Variants in SOCS5 observed in about 807,000 individuals in gnomAD.
SOCS5 encodes the protein CIS-6.
Under a neutral mutation model 42.8 loss-of-function variants are expected in SOCS5, and 32 were observed. The ratio of observed to expected loss-of-function variants is 0.75; its 90% CI spans 0.56 to 1.01. SOCS5 has a LOEUF of 1.01. Among genes scored for constraint, SOCS5 ranks in the 50% least tolerant of loss-of-function variants. The pLI is 0.00. For synonymous variants in SOCS5, 283 were observed against 229.6 expected (o/e 1.23, Z -2.10); for missense variants, 627 against 653.0 (o/e 0.96, Z 0.43).
intron 1 of SOCS5, among the ~76,000 whole-genome samples, chr2:46,720,568 G>A (rs977969703): frequency 2.6e-5 from 4 of 152,158 alleles, no homozygotes; most frequent in Non-Finnish European, 5.9e-5. Context: ...TAAAATCCAG[G>A]TAGCAAATTT....
At chr2:46,749,107 A>G (rs1673569724) in intron 1 of SOCS5, among the ~76,000 whole-genome samples, 1 of 152,188 alleles carries the variant, frequency 6.6e-6, no homozygotes, top group African/African-American at 2.4e-5. Flanking sequence ...TGCTGACAGT[A>G]CTAGTCACAT....
At chr2:46,701,494 G>A (rs989893573) in intron 1 of SOCS5, among the ~76,000 whole-genome samples, 1 of 152,132 alleles carries the variant, frequency 6.6e-6, no homozygotes, top group African/African-American at 2.4e-5. Flanking sequence ...CAGGATTGGT[G>A]GGCAGGTCTG....
intron 1 of SOCS5, among the ~76,000 whole-genome samples, chr2:46,714,154 A>G (rs1018911601): frequency 3.3e-5 from 5 of 152,192 alleles, no homozygotes; most frequent in Admixed American, 1.3e-4. Context: ...ATAGATGCCA[A>G]TTAGGTTAGT....
Position 46,759,015 on chromosome 2 carries a change from A to G in SOCS5, c.485A>G (p.His162Arg). The change falls in exon 2 of 2, where the codon CAC becomes CGC. Residue 162 changes from histidine to arginine, a missense_variant. His to Arg is a conservative substitution (Grantham distance 29). Transcript: ENST00000394861. ...RERRYGVSSV[H>R]DMDSVSSRTV... ...AGGCGCTACGGCGTAAGTTCTGTAC[A>G]CGACATGGACAGTGTTTCCAGCAGA... is the stretch of plus-strand genomic sequence containing the variant. The G allele has an allele frequency of 6.2e-7, 1 of 1,614,000 alleles. No homozygotes were observed. The highest frequency in any genetic ancestry group is 8.5e-7 in the Non-Finnish European group (1 of 1,179,858).
At chr2:46,758,475 A>T (rs1673776188) in intron 1 of SOCS5, 44 bp from the exon 2 acceptor site, 1 of 1,374,800 alleles carries the variant, frequency 7.3e-7, no homozygotes, top group South Asian at 1.4e-5. Flanking sequence ...TTCACATGCT[A>T]CTTTGATTAA....
intron 1 of SOCS5, among the ~76,000 whole-genome samples, chr2:46,754,463 T>A (rs568605503): frequency 1.1e-4 from 17 of 152,298 alleles, no homozygotes; most frequent in African/African-American, 3.4e-4. Flanking sequence ...TTAGGTTAGT[T>A]GACATTTAAT....
chr2:46,725,807 G>A (rs2103718923), intron 1 of SOCS5, among the ~76,000 whole-genome samples: 1 of 151,880 alleles, frequency 6.6e-6, no homozygotes, highest in Middle Eastern at 3.4e-3. Flanking sequence ...TGGATCTGCT[G>A]GTAATGAATT....
chr2:46,704,044 A>T (rs1264301885), intron 1 of SOCS5, among the ~76,000 whole-genome samples: 1 of 152,232 alleles, frequency 6.6e-6, no homozygotes, highest in South Asian at 2.1e-4. Flanking sequence ...GAAATATAAT[A>T]TAGCAAGAAT....
intron 1 of SOCS5, among the ~76,000 whole-genome samples, chr2:46,748,676 G>C (rs1231661249): frequency 6.6e-6 from 1 of 152,094 alleles, no homozygotes; most frequent in Non-Finnish European, 1.5e-5. Flanking sequence ...TTAAAGATTA[G>C]TAAATGTATT....
intron 1 of SOCS5, among the ~76,000 whole-genome samples, chr2:46,715,777 G>A (rs1225144294): frequency 6.6e-6 from 1 of 152,162 alleles, no homozygotes; most frequent in Non-Finnish European, 1.5e-5. Flanking sequence ...TTGAGCCTTT[G>A]TGTGGCTTTT....
chr2:46,747,224 C>G (rs1298916545), intron 1 of SOCS5, among the ~76,000 whole-genome samples: 1 of 151,910 alleles, frequency 6.6e-6, no homozygotes, highest in Non-Finnish European at 1.5e-5. Flanking sequence ...TCATAGTGGT[C>G]TCTTACTTTT....
chr2:46,736,474 A>G (rs1169509469), intron 1 of SOCS5, among the ~76,000 whole-genome samples: 4 of 152,150 alleles, frequency 2.6e-5, no homozygotes, highest in Non-Finnish European at 5.9e-5. Context: ...ATTAAAAACT[A>G]ACCTCATTTC....
Position 46,759,796 on chromosome 2 carries a change from C to T in SOCS5, c.1266C>T (p.Tyr422=), listed in dbSNP as rs1329544000. 1 of 1,614,178 alleles carries T rather than the reference C, an allele frequency of 6.2e-7. No homozygotes were observed. The highest frequency in any genetic ancestry group is 1.7e-5 in the Admixed American group (1 of 60,020). The change falls in exon 2 of 2, where the codon TAC becomes TAT. Residue 422 remains tyrosine (Y), a synonymous_variant. Coordinates refer to ENST00000394861, the MANE Select transcript of SOCS5 (RefSeq NM_144949.3). ...DYLFSVSFRR[Y]NRSLHARIEQ... is the part of the protein sequence containing the mutation. ...TCTTCTCTGTGAGCTTCCGCCGCTA[C>T]AACAGATCCCTGCATGCCCGAATTG...
intron 1 of SOCS5, among the ~76,000 whole-genome samples, chr2:46,753,725 C>T (rs571018474): frequency 1.3e-5 from 2 of 152,190 alleles, no homozygotes; most frequent in African/African-American, 4.8e-5. Context: ...ATATGCTAAA[C>T]AAGGGGTGGG....
intron 1 of SOCS5, among the ~76,000 whole-genome samples, chr2:46,741,499 T>C (rs766645066): frequency 1.3e-5 from 2 of 152,158 alleles, no homozygotes; most frequent in Non-Finnish European, 2.9e-5. Context: ...AATAACATTT[T>C]AAAAATATTG....
At chr2:46,748,501 C>T (rs1034026530) in intron 1 of SOCS5, among the ~76,000 whole-genome samples, 14 of 151,980 alleles carry the variant, frequency 9.2e-5, no homozygotes, top group African/African-American at 3.4e-4. Context: ...TTTCCTTTTT[C>T]TTATGGTGTC....
intron 1 of SOCS5, among the ~76,000 whole-genome samples, chr2:46,726,738 A>AATT (rs111456718): frequency 0.031 from 4,528 of 145,426 alleles, 104 homozygotes; most frequent in Non-Finnish European, 0.041. Flanking sequence ...TTCAGTTCTA[A>AATT]ATTATTATTA....
At chr2:46,736,079 G>C (rs1673239354) in intron 1 of SOCS5, among the ~76,000 whole-genome samples, 1 of 144,942 alleles carries the variant, frequency 6.9e-6, no homozygotes, top group South Asian at 2.2e-4. Flanking sequence ...CTCTCTCTCT[G>C]GCTCAGGCTG....
intron 1 of SOCS5, among the ~76,000 whole-genome samples, chr2:46,717,002 C>T (rs1445406913): frequency 2.0e-5 from 3 of 152,132 alleles, no homozygotes; most frequent in Admixed American, 6.5e-5. Flanking sequence ...AACTCTAAAT[C>T]GTTGGAGAGT....
Sources: gnomAD v4.1 joint callset for allele counts (sites outside exome capture counted in the v4.1 genomes callset) on GRCh38, gnomAD v4.1.1 for gene constraint, MANE v1.5 for transcripts, NCBI Gene and HGNC (gene_info 2026-07-23, HGNC 2026-07-21) for gene names.